Variants in RNF152 observed in about 807,000 individuals in gnomAD.
RNF152 encodes ring finger protein 152, also known as E3 ubiquitin-protein ligase RNF152.
RNF152 carries 11 observed loss-of-function variants against 12.7 expected under a neutral mutation model. That is an observed-to-expected ratio of 0.86 (90% CI 0.54 to 1.43). RNF152 has a LOEUF of 1.43. Among genes scored for constraint, RNF152 ranks in the 40% most tolerant of loss-of-function variants. RNF152 has a pLI of 0.00. For synonymous variants in RNF152, 113 were observed against 120.3 expected (o/e 0.94, Z 0.40); for missense variants, 255 against 274.8 (o/e 0.93, Z 0.51).
intron 1 of RNF152, among the ~76,000 whole-genome samples, chr18:61,835,892 T>C (rs1337193001): frequency 6.6e-6 from 1 of 152,168 alleles, no homozygotes; most frequent in Non-Finnish European, 1.5e-5. Flanking sequence ...CAGATTGATA[T>C]TGTCAGAAAA....
chr18:61,846,518 G>T (rs917572142), intron 1 of RNF152, among the ~76,000 whole-genome samples: 1 of 152,120 alleles, frequency 6.6e-6, no homozygotes, highest in African/African-American at 2.4e-5. Flanking sequence ...GAGGTAAGGG[G>T]AAAAGTGGTC....
At chr18:61,860,748 C>G (rs1412133736) in intron 1 of RNF152, among the ~76,000 whole-genome samples, 1 of 152,180 alleles carries the variant, frequency 6.6e-6, no homozygotes, top group Non-Finnish European at 1.5e-5. Flanking sequence ...GAAGAAGGCA[C>G]TGCTGTCACA....
intron 1 of RNF152, among the ~76,000 whole-genome samples, chr18:61,886,817 G>A (rs182670000): frequency 1.3e-5 from 2 of 152,358 alleles, no homozygotes; most frequent in East Asian, 3.9e-4. Flanking sequence ...GATAATACAA[G>A]ACAATCTATG....
intron 1 of RNF152, among the ~76,000 whole-genome samples, chr18:61,851,057 T>C (rs1599295339): frequency 6.7e-6 from 1 of 149,622 alleles, no homozygotes; most frequent in Admixed American, 6.7e-5. Flanking sequence ...CTCTGTTTGG[T>C]CCTCAAGACC....
At chr18:61,847,699 A>G (rs1910797566) in intron 1 of RNF152, among the ~76,000 whole-genome samples, 1 of 152,186 alleles carries the variant, frequency 6.6e-6, no homozygotes, top group South Asian at 2.1e-4. Flanking sequence ...GGTTTCTCAT[A>G]GGCGTCTCAA....
At chr18:61,835,561 A>AT (rs1910142837) in intron 1 of RNF152, among the ~76,000 whole-genome samples, 1 of 152,200 alleles carries the variant, frequency 6.6e-6, no homozygotes, top group Non-Finnish European at 1.5e-5. Context: ...ACTTTTTTGA[A>AT]TTTTTGACTT....
intron 1 of RNF152, among the ~76,000 whole-genome samples, chr18:61,861,688 G>A (rs367867236): frequency 6.6e-6 from 1 of 152,220 alleles, no homozygotes; most frequent in East Asian, 1.9e-4. Context: ...TCAAGACTCG[G>A]CATTTGGCGA....
intron 1 of RNF152, among the ~76,000 whole-genome samples, chr18:61,866,966 G>A (rs1284997627): frequency 6.6e-6 from 1 of 152,224 alleles, no homozygotes; most frequent in Non-Finnish European, 1.5e-5. Context: ...CTGGGGTGGA[G>A]GGATGGGAAG....
intron 1 of RNF152, among the ~76,000 whole-genome samples, chr18:61,869,887 A>C (rs1266549691): frequency 1.3e-5 from 2 of 152,186 alleles, no homozygotes; most frequent in Admixed American, 6.5e-5. Flanking sequence ...AAAATGAGAA[A>C]GTTTATAAGC....
chr18:61,864,334 T>C (rs891040786), intron 1 of RNF152, among the ~76,000 whole-genome samples: 3 of 152,198 alleles, frequency 2.0e-5, no homozygotes, highest in African/African-American at 7.2e-5. Flanking sequence ...AGCAGAACTC[T>C]GTGAGAATGG....
chr18:61,813,417 A>C lies in RNF152; in HGVS notation c.*2435T>G, dbSNP rs1908914796. 1 of 152,140 alleles carries C rather than the reference A, an allele frequency of 6.6e-6. No homozygotes were observed. Among genetic ancestry groups the C allele is most frequent in the Non-Finnish European group, 1.5e-5 (1 of 68,034 alleles). The allele number at this position is 152,140 out of a possible 1,614,324, so 9.4% of individuals were successfully genotyped here. On this transcript the variant is annotated 3_prime_UTR_variant, in exon 2 of 2. Transcript: ENST00000312828. ...GTTTCTTAGGTCAGTAAGACTCACAAAAAAAATCTGATTTTGGTTGTTGTT... is the reference window on the plus strand; with the variant it reads ...GTTTCTTAGGTCAGTAAGACTCACACAAAAAATCTGATTTTGGTTGTTGTT...
At position 61,848,744 on chromosome 18, in the gene RNF152, C is replaced by A. The variant is rs181798589; in HGVS notation, c.-135-32146G>T. Reference sequence around the variant, plus strand: ...TGAAAGTTTGGAGCCACGGAAGAGGCCTGCCCGGCAGGAGCTGATGTACAG... The same window carrying A: ...TGAAAGTTTGGAGCCACGGAAGAGGACTGCCCGGCAGGAGCTGATGTACAG... On this transcript the variant is annotated intron_variant, in intron 1 of 1. Coordinates refer to ENST00000312828, the MANE Select transcript of RNF152 (RefSeq NM_173557.3). Among the ~76,000 whole-genome samples the A allele has an allele frequency of 1.0e-3, 159 of 152,280 alleles. 1 individual carries two copies. Among genetic ancestry groups the A allele is most frequent in the African/African-American group, 3.5e-3 (147 of 41,560 alleles).
chr18:61,825,392 A>C (rs558362322), intron 1 of RNF152, among the ~76,000 whole-genome samples: 33 of 152,350 alleles, frequency 2.2e-4, no homozygotes, highest in African/African-American at 7.7e-4. Flanking sequence ...TCAGAGCCAG[A>C]AAGGACATTT....
intron 1 of RNF152, among the ~76,000 whole-genome samples, chr18:61,881,711 C>G (rs1375165431): frequency 6.6e-6 from 1 of 152,106 alleles, no homozygotes; most frequent in Non-Finnish European, 1.5e-5. Context: ...TTTCAATCTT[C>G]ATTGCAAACT....
At chr18:61,847,320 C>T (rs997343256) in intron 1 of RNF152, among the ~76,000 whole-genome samples, 1 of 152,134 alleles carries the variant, frequency 6.6e-6, no homozygotes, top group Non-Finnish European at 1.5e-5. Context: ...ATGGGGTCTG[C>T]TTTTGTGGGC....
Position 61,824,794 on chromosome 18 carries a change from A to T in RNF152, c.-135-8196T>A, listed in dbSNP as rs193028047. Among the ~76,000 whole-genome samples, 80 of 152,348 alleles carry T rather than the reference A, an allele frequency of 5.3e-4. 1 individual carries two copies. The South Asian group carries it at 8.9e-3, about 17-fold the overall frequency. ...CAAGGTTAGCGCTGGCATTCATCAAACACATGGCTTTATCTTCATTTGCTC... is the reference window on the plus strand; with the variant it reads ...CAAGGTTAGCGCTGGCATTCATCAATCACATGGCTTTATCTTCATTTGCTC... On this transcript the variant is annotated intron_variant, in intron 1 of 1. Coordinates refer to ENST00000312828, the MANE Select transcript of RNF152 (RefSeq NM_173557.3).
chr18:61,843,205 T>G (rs752824092), intron 1 of RNF152, among the ~76,000 whole-genome samples: 5 of 152,182 alleles, frequency 3.3e-5, no homozygotes, highest in Non-Finnish European at 7.3e-5. Flanking sequence ...TATTTTCTTT[T>G]CAACTCGTGC....
intron 1 of RNF152, among the ~76,000 whole-genome samples, chr18:61,854,552 C>T (rs9950358): frequency 4.1e-4 from 63 of 152,272 alleles, no homozygotes; most frequent in African/African-American, 1.5e-3. Context: ...CTCAACTGAG[C>T]GAATTAAAGA....
rs530005111 is a variant in RNF152, at chr18:61,809,747, A to T, written c.*6105T>A. 6 of 152,284 alleles carry T rather than the reference A, an allele frequency of 3.9e-5. No individual in the cohort carries two copies. In the East Asian group the frequency reaches 1.2e-3, roughly 29 times the overall value. 9.4% of individuals were successfully genotyped at this position (152,284 alleles called of 1,614,324 possible). A position where few individuals can be genotyped will look rare whatever the true frequency, so the allele number is the denominator to read the frequency against. Reference sequence around the variant, plus strand: ...AAAATATCATAGTATGAATAATATAAAAAACCTTAGATTAGAATAATAAAA... The same window carrying T: ...AAAATATCATAGTATGAATAATATATAAAACCTTAGATTAGAATAATAAAA... On this transcript the variant is annotated 3_prime_UTR_variant, in exon 2 of 2. Coordinates refer to ENST00000312828, the MANE Select transcript of RNF152 (RefSeq NM_173557.3).
Sources: gnomAD v4.1 joint callset for allele counts (sites outside exome capture counted in the v4.1 genomes callset) on GRCh38, gnomAD v4.1.1 for gene constraint, MANE v1.5 for transcripts, NCBI Gene and HGNC (gene_info 2026-07-23, HGNC 2026-07-21) for gene names.